Variants in TSPEAR observed in about 807,000 individuals in gnomAD.
TSPEAR encodes thrombospondin type laminin G domain and EAR repeats.
In TSPEAR, 69 loss-of-function variants were observed where a neutral mutation model predicts 71.6. The observed-to-expected ratio is 0.96, with a 90% CI of 0.79 to 1.18. TSPEAR has a LOEUF of 1.18. Among genes scored for constraint, TSPEAR ranks in the 50% most tolerant of loss-of-function variants. The pLI is 0.00. For synonymous variants in TSPEAR, 402 were observed against 387.2 expected, an observed-to-expected ratio of 1.04 and a Z score of -0.45; for missense variants, 971 against 894.9, an observed-to-expected ratio of 1.09 and a Z score of -1.09.
intron 1 of TSPEAR, among the ~76,000 whole-genome samples, chr21:44,630,562 G>A (rs1407908072): frequency 6.6e-6 from 1 of 152,130 alleles, no homozygotes; most frequent in African/African-American, 2.4e-5. Flanking sequence ...AGACCTGAGA[G>A]GCTCTCAGTG....
At chr21:44,522,798 C>A (rs2052761690) in intron 8 of TSPEAR, among the ~76,000 whole-genome samples, 1 of 152,262 alleles carries the variant, frequency 6.6e-6, no homozygotes, top group African/African-American at 2.4e-5. Flanking sequence ...CATCCAGATC[C>A]CATGTCCTCG....
intron 2 of TSPEAR, 137 bp downstream of exon 2, chr21:44,567,648 C>A: frequency 1.5e-6 from 1 of 670,618 alleles, no homozygotes. Context: ...CTAGCAAGGC[C>A]AGCCACTCTT....
intron 11 of TSPEAR, among the ~76,000 whole-genome samples, chr21:44,503,915 G>A (rs1194942507): frequency 2.0e-5 from 3 of 146,590 alleles, no homozygotes; most frequent in Admixed American, 1.3e-4. Context: ...GAGGAAGCTG[G>A]CCTCGGTGAG....
At position 44,639,415 on chromosome 21, in the gene TSPEAR, C is replaced by G. The variant is rs587597898; in HGVS notation, c.83-71410G>C. On this transcript the variant is annotated intron_variant, in intron 1 of 11. Coordinates refer to ENST00000323084, the MANE Select transcript of TSPEAR (RefSeq NM_144991.3). Reference sequence around the variant, plus strand: ...GCACCAGGACCTCCCGGAGTCCCACCCCACAGAGCTCCCTGTGGTCAGCAC... The same window carrying G: ...GCACCAGGACCTCCCGGAGTCCCACGCCACAGAGCTCCCTGTGGTCAGCAC... Among the ~76,000 whole-genome samples, 4 of 152,342 alleles carry G rather than the reference C, an allele frequency of 2.6e-5. No individual in the cohort carries two copies. The South Asian group carries it at 8.3e-4, about 32-fold the overall frequency.
chr21:44,565,685 C>T (rs926742727), intron 2 of TSPEAR, among the ~76,000 whole-genome samples: 69 of 152,140 alleles, frequency 4.5e-4, no homozygotes, highest in African/African-American at 1.6e-3. Context: ...GTTAAAAACA[C>T]TCAATAAGAT....
chr21:44,635,910 C>A (rs1191157797), intron 1 of TSPEAR, among the ~76,000 whole-genome samples: 4 of 152,192 alleles, frequency 2.6e-5, no homozygotes, highest in Admixed American at 2.6e-4. Flanking sequence ...ATCTTGTTTG[C>A]TCTTACAGGT....
At chr21:44,517,142 C>T (rs2052599849) in intron 9 of TSPEAR, 1 of 152,354 alleles carries the variant, frequency 6.6e-6, no homozygotes, top group African/African-American at 2.4e-5. Flanking sequence ...CCCCAAACCC[C>T]CTCTTATGCC....
At chr21:44,556,130 C>T (rs587662577) in intron 2 of TSPEAR, among the ~76,000 whole-genome samples, 183 of 152,326 alleles carry the variant, frequency 1.2e-3, no homozygotes, top group African/African-American at 4.1e-3. Flanking sequence ...GTAATCCCAG[C>T]GCTTTGGGAG....
intron 1 of TSPEAR, among the ~76,000 whole-genome samples, chr21:44,607,782 C>T (rs929483658): frequency 4.6e-5 from 7 of 152,142 alleles, no homozygotes; most frequent in South Asian, 4.1e-4. Flanking sequence ...GGAAAAATCC[C>T]TCTGCAAAAC....
chr21:44,504,725 G>A (rs868973468), intron 11 of TSPEAR, 55 bp downstream of exon 11: 2 of 1,201,972 alleles, frequency 1.7e-6, no homozygotes, highest in Middle Eastern at 3.8e-4. Flanking sequence ...GCCTCGGTGA[G>A]CCCACAGTGG....
intron 6 of TSPEAR, 113 bp downstream of exon 6, chr21:44,528,339 G>A (rs1245438742): frequency 1.0e-5 from 15 of 1,477,738 alleles, no homozygotes; most frequent in Non-Finnish European, 1.4e-5. Flanking sequence ...TGACGGCCAA[G>A]CCTGAGGTCA....
At chr21:44,501,862 A>C (rs587755051) in intron 11 of TSPEAR, among the ~76,000 whole-genome samples, 1 of 152,358 alleles carries the variant, frequency 6.6e-6, no homozygotes, top group African/African-American at 2.4e-5. Context: ...AATGAGAGAA[A>C]AAATCCTATT....
intron 1 of TSPEAR, among the ~76,000 whole-genome samples, chr21:44,684,073 C>CA (rs1399132228): frequency 6.6e-6 from 1 of 152,090 alleles, no homozygotes; most frequent in African/African-American, 2.4e-5. Flanking sequence ...AAAATGAAGA[C>CA]AAAATCTCAA....
chr21:44,650,826 A>G (rs1555941287), intron 1 of TSPEAR, among the ~76,000 whole-genome samples: 5 of 152,214 alleles, frequency 3.3e-5, no homozygotes. Context: ...GACCTCCTAC[A>G]GGCCAAGGGA....
chr21:44,652,451 A>T (rs778373549), intron 1 of TSPEAR, among the ~76,000 whole-genome samples: 1 of 152,180 alleles, frequency 6.6e-6, no homozygotes, highest in Non-Finnish European at 1.5e-5. Flanking sequence ...CAGGTGACTG[A>T]GTGACTCTCT....
At chr21:44,637,675 C>A in intron 1 of TSPEAR, 1 of 1,542,786 alleles carries the variant, frequency 6.5e-7, no homozygotes, top group Non-Finnish European at 8.8e-7. Flanking sequence ...ATTGCTGCAC[C>A]TCCTCCCCCT....
At chr21:44,602,207 A>C in intron 1 of TSPEAR, 2 of 190,262 alleles carry the variant, frequency 1.1e-5, no homozygotes, top group Non-Finnish European at 2.3e-5. Flanking sequence ...TTCACAACCA[A>C]AGACCCCTGC....
At chr21:44,501,113 G>C (rs2052021319) in intron 11 of TSPEAR, among the ~76,000 whole-genome samples, 1 of 152,230 alleles carries the variant, frequency 6.6e-6, no homozygotes, top group Non-Finnish European at 1.5e-5. Flanking sequence ...CGAATCATAT[G>C]GAGTTATCAA....
Position 44,589,224 on chromosome 21 carries a change from T to C in TSPEAR, c.83-21219A>G, listed in dbSNP as rs115965393. 6.3e-3 allele frequency among the ~76,000 whole-genome samples: 960 copies of C among 152,346 alleles called. 7 individuals are homozygous for C. The highest frequency in any genetic ancestry group is 0.022 in the African/African-American group (904 of 41,582). On this transcript the variant is annotated intron_variant, in intron 1 of 11. Transcript: ENST00000323084. ...ACATGTGGGCTCTCACTAAGCATCA[T>C]GCTTTCAAGGCTCATGCATGTTGTA...
Sources: allele counts gnomAD v4.1 joint callset (sites outside exome capture counted in the v4.1 genomes callset), GRCh38; gene constraint gnomAD v4.1.1; transcripts MANE v1.5; gene names NCBI Gene and HGNC (gene_info 2026-07-23, HGNC 2026-07-21).